Variants in SMYD3 observed in about 807,000 individuals in gnomAD.
SMYD3 encodes the protein histone-lysine N-methyltransferase SMYD3.
In SMYD3, 36 loss-of-function variants were observed where a neutral mutation model predicts 57.7. The observed-to-expected ratio is 0.62, with a 90% CI of 0.48 to 0.82. SMYD3 has a LOEUF of 0.82. SMYD3 is among the 40% of genes least tolerant of loss of function. The pLI is 0.00. For missense variants in SMYD3, 515 were observed against 538.8 expected (o/e 0.96, Z 0.44); for synonymous variants, 211 against 195.0 (o/e 1.08, Z -0.68).
intron 1 of SMYD3, among the ~76,000 whole-genome samples, chr1:246,503,823 C>A (rs10802420): frequency 6.6e-6 from 1 of 151,478 alleles, no homozygotes; most frequent in African/African-American, 2.4e-5. Flanking sequence ...ATTAGCCAGG[C>A]GTGGTCTGTA....
intron 10 of SMYD3, among the ~76,000 whole-genome samples, chr1:245,830,095 G>A (rs2049746955): frequency 6.6e-6 from 1 of 152,110 alleles, no homozygotes. Context: ...CACTTTAAAT[G>A]AGTAATTATA....
intron 5 of SMYD3, among the ~76,000 whole-genome samples, chr1:246,068,285 CAAAA>C (rs71726233): frequency 5.2e-5 from 6 of 114,588 alleles, no homozygotes; most frequent in Admixed American, 8.7e-5. Flanking sequence ...TACAGGTCAG[CAAAA>C]AAAAAAAAAA....
chr1:246,427,531 A>AT (rs1324673966), intron 1 of SMYD3, among the ~76,000 whole-genome samples: 8 of 144,260 alleles, frequency 5.5e-5, no homozygotes, highest in South Asian at 2.1e-4. Flanking sequence ...AAAAAAAAAA[A>AT]AATAAAAAAA....
intron 7 of SMYD3, among the ~76,000 whole-genome samples, chr1:245,921,142 A>G (rs2055894706): frequency 6.6e-6 from 1 of 152,246 alleles, no homozygotes; most frequent in African/African-American, 2.4e-5. Flanking sequence ...ACACATTTGA[A>G]AAGAAGACAT....
intron 1 of SMYD3, among the ~76,000 whole-genome samples, chr1:246,450,629 C>T (rs1399259880): frequency 6.6e-6 from 1 of 152,216 alleles, no homozygotes; most frequent in Non-Finnish European, 1.5e-5. Context: ...CCTCACTAAA[C>T]TGTGACATCT....
At chr1:245,885,058 A>T (rs1008308334) in intron 8 of SMYD3, among the ~76,000 whole-genome samples, 1 of 152,092 alleles carries the variant, frequency 6.6e-6, no homozygotes, top group Admixed American at 6.5e-5. Flanking sequence ...TCCTGAAGTC[A>T]GCGAGACCAC....
At chr1:246,471,855 T>G (rs951577836) in intron 1 of SMYD3, among the ~76,000 whole-genome samples, 1 of 152,168 alleles carries the variant, frequency 6.6e-6, no homozygotes, top group East Asian at 1.9e-4. Flanking sequence ...GGTACCAAAT[T>G]TGGCTCCTAA....
At chr1:246,370,498 T>C (rs1374001981) in intron 1 of SMYD3, among the ~76,000 whole-genome samples, 1 of 152,174 alleles carries the variant, frequency 6.6e-6, no homozygotes, top group Non-Finnish European at 1.5e-5. Context: ...GGCGTACCCT[T>C]GTAACATCTT....
chr1:246,506,982 G>T, intron 1 of SMYD3, 72 bp downstream of exon 1: 1 of 648,604 alleles, frequency 1.5e-6, no homozygotes, highest in Non-Finnish European at 2.2e-6. Context: ...GCTGCCGGCC[G>T]CCCGACGCCC....
intron 5 of SMYD3, among the ~76,000 whole-genome samples, chr1:245,931,714 TA>T (rs1381134194): frequency 6.6e-6 from 1 of 152,124 alleles, no homozygotes; most frequent in Non-Finnish European, 1.5e-5. Flanking sequence ...AAAGTTTCTG[TA>T]AAGGAAAAAG....
intron 5 of SMYD3, among the ~76,000 whole-genome samples, chr1:245,955,366 C>G (rs1172783667): frequency 1.3e-5 from 2 of 152,096 alleles, no homozygotes; most frequent in Non-Finnish European, 2.9e-5. Flanking sequence ...GCATGAGCCA[C>G]CGCGCCTGGC....
At position 246,101,083 on chromosome 1, in the gene SMYD3, T is replaced by G. The variant is rs1009855990; in HGVS notation, c.532-171146A>C. On this transcript the variant is annotated intron_variant, in intron 5 of 11. Transcript: ENST00000490107. ...TTAGGGGTTTTTTGTTTTTTTTTTTTTTTTTTTTTTTTTTTTTACAGAGTA... is the reference window on the plus strand; with the variant it reads ...TTAGGGGTTTTTTGTTTTTTTTTTTGTTTTTTTTTTTTTTTTTACAGAGTA... Among the ~76,000 whole-genome samples, 19 of 137,528 alleles carry G rather than the reference T, an allele frequency of 1.4e-4. 1 individual carries two copies. Among genetic ancestry groups the G allele is most frequent in the East Asian group, 4.0e-4 (2 of 5,040 alleles). The allele number at this position is 137,528 out of a possible 152,430, so 90.2% of individuals were successfully genotyped here.
chr1:246,241,152 G>A (rs12047591), intron 5 of SMYD3, among the ~76,000 whole-genome samples: 12,871 of 152,146 alleles, frequency 0.085, 729 homozygotes, highest in East Asian at 0.21. Context: ...GTGAGAGAGG[G>A]CATCCCTGTC....
chr1:246,326,103 C>T, intron 5 of SMYD3: 1 of 325,082 alleles, frequency 3.1e-6, no homozygotes, highest in East Asian at 4.9e-5. Flanking sequence ...AATAAATCTC[C>T]AGCAATCAAA....
chr1:246,093,344 C>T (rs770715431), intron 5 of SMYD3, among the ~76,000 whole-genome samples: 2 of 152,180 alleles, frequency 1.3e-5, no homozygotes, highest in Non-Finnish European at 2.9e-5. Flanking sequence ...CTATTCACAA[C>T]AGTCAAGATA....
intron 5 of SMYD3, among the ~76,000 whole-genome samples, chr1:246,123,391 A>G (rs1427668776): frequency 6.6e-6 from 1 of 152,064 alleles, no homozygotes; most frequent in African/African-American, 2.4e-5. Flanking sequence ...CAATGGTGAA[A>G]CCCCATCTCT....
chr1:246,483,473 C>T (rs934874228), intron 1 of SMYD3: 6 of 152,164 alleles, frequency 3.9e-5, no homozygotes, highest in African/African-American at 1.4e-4. Flanking sequence ...CCCTTAAATA[C>T]ACAACATTTA....
intron 5 of SMYD3, among the ~76,000 whole-genome samples, chr1:246,095,557 C>T (rs1573014367): frequency 6.6e-6 from 1 of 152,172 alleles, no homozygotes; most frequent in Non-Finnish European, 1.5e-5. Flanking sequence ...GGGACTGATG[C>T]ATCTGTGGGA....
intron 1 of SMYD3, among the ~76,000 whole-genome samples, chr1:246,460,678 AT>A (rs2067784973): frequency 6.6e-6 from 1 of 152,230 alleles, no homozygotes; most frequent in African/African-American, 2.4e-5. Context: ...TAGTGTTTTA[AT>A]AAAAAATAAT....
Sources: gnomAD v4.1 joint callset for allele counts (sites outside exome capture counted in the v4.1 genomes callset) on GRCh38, gnomAD v4.1.1 for gene constraint, MANE v1.5 for transcripts, NCBI Gene and HGNC (gene_info 2026-07-23, HGNC 2026-07-21) for gene names.